Variants in COL23A1 observed in about 807,000 individuals in gnomAD.
COL23A1 encodes the protein collagen type XXIII alpha 1 chain, also known as collagen alpha-1(XXIII) chain.
Under a neutral mutation model 99.3 loss-of-function variants are expected in COL23A1, and 97 were observed. The ratio of observed to expected loss-of-function variants is 0.98; its 90% CI spans 0.83 to 1.16. COL23A1 has a LOEUF of 1.16. Ranked by LOEUF, COL23A1 falls within the 50% of genes most tolerant of loss-of-function variation. COL23A1 has a pLI of 0.00. For synonymous variants in COL23A1, 320 were observed against 308.2 expected, an observed-to-expected ratio of 1.04 and a Z score of -0.40; for missense variants, 762 against 757.4, an observed-to-expected ratio of 1.01 and a Z score of -0.07.
At chr5:178,500,321 C>T (rs893407438) in intron 2 of COL23A1, among the ~76,000 whole-genome samples, 10 of 144,828 alleles carry the variant, frequency 6.9e-5, no homozygotes, top group Non-Finnish European at 3.0e-5. Context: ...AGTGTGGTAG[C>T]TTGGGCCTAT....
At chr5:178,465,822 C>T (rs1476520234) in intron 2 of COL23A1, among the ~76,000 whole-genome samples, 1 of 152,226 alleles carries the variant, frequency 6.6e-6, no homozygotes, top group Non-Finnish European at 1.5e-5. Flanking sequence ...CTCTGAGGGA[C>T]TGGCGTGCAG....
At chr5:178,407,617 C>T (rs1764834176) in intron 2 of COL23A1, among the ~76,000 whole-genome samples, 1 of 152,014 alleles carries the variant, frequency 6.6e-6, no homozygotes, top group Non-Finnish European at 1.5e-5. Flanking sequence ...AACAGAAAGT[C>T]TCAGCAAAGA....
intron 2 of COL23A1, among the ~76,000 whole-genome samples, chr5:178,552,472 AAACTC>A (rs965689710): frequency 2.0e-5 from 3 of 152,298 alleles, no homozygotes; most frequent in African/African-American, 7.2e-5. Flanking sequence ...ATTTTGCCAT[AAACTC>A]AAGTCGACTG....
At chr5:178,269,076 C>A (rs1756074794) in intron 6 of COL23A1, among the ~76,000 whole-genome samples, 1 of 152,162 alleles carries the variant, frequency 6.6e-6, no homozygotes, top group Non-Finnish European at 1.5e-5. Flanking sequence ...CCCTACTGCT[C>A]AGCACCCGCC....
intron 1 of COL23A1, among the ~76,000 whole-genome samples, chr5:178,583,971 C>T (rs1036274898): frequency 2.6e-5 from 4 of 152,200 alleles, no homozygotes; most frequent in Non-Finnish European, 5.9e-5. Context: ...TCGAGCAATC[C>T]TCACACCTCA....
At chr5:178,325,918 C>T (rs960932558) in intron 2 of COL23A1, among the ~76,000 whole-genome samples, 13 of 152,180 alleles carry the variant, frequency 8.5e-5, no homozygotes, top group East Asian at 5.8e-4. Context: ...CTGTCCACTG[C>T]GGTGGGAAAT....
intron 2 of COL23A1, among the ~76,000 whole-genome samples, chr5:178,320,426 ACAGC>A (rs1400730063): frequency 6.6e-6 from 1 of 152,208 alleles, no homozygotes; most frequent in African/African-American, 2.4e-5. Context: ...ACAGGTAGAC[ACAGC>A]CCTGCGTCCC....
chr5:178,261,757 A>T lies in COL23A1; in HGVS notation c.676-9T>A, dbSNP rs760029010. 3 of 1,604,038 alleles carry T rather than the reference A, an allele frequency of 1.9e-6. No homozygotes were observed. The East Asian group carries it at 6.7e-5, about 36-fold the overall frequency. The stretch of plus-strand genomic sequence containing the variant: ...GGGGGTCCCTTTGGGCCCTGGAACA[A>T]GAGAAGAGAAGGTGTTAAATGTCAT... On this transcript the variant is annotated splice_polypyrimidine_tract_variant and intron_variant, in intron 10 of 28. Transcript: ENST00000390654.
chr5:178,501,712 C>T (rs945957672), intron 2 of COL23A1, among the ~76,000 whole-genome samples: 9 of 152,244 alleles, frequency 5.9e-5, no homozygotes, highest in Admixed American at 2.6e-4. Context: ...TACGCCAACA[C>T]CCCTGCTGGG....
chr5:178,286,179 T>C (rs1757140619), intron 5 of COL23A1, among the ~76,000 whole-genome samples: 1 of 152,172 alleles, frequency 6.6e-6, no homozygotes, highest in Admixed American at 6.5e-5. Flanking sequence ...CCTGGAGACG[T>C]TGACAGGGTG....
At chr5:178,585,419 C>A (rs1244757479) in intron 1 of COL23A1, among the ~76,000 whole-genome samples, 3 of 150,194 alleles carry the variant, frequency 2.0e-5, no homozygotes, top group Non-Finnish European at 3.0e-5. Flanking sequence ...GGTAACACTC[C>A]ACAGCCCTGG....
intron 3 of COL23A1, among the ~76,000 whole-genome samples, chr5:178,300,735 A>ATTTATTTAT (rs1554134211): frequency 1.3e-4 from 19 of 150,472 alleles, no homozygotes; most frequent in Admixed American, 8.6e-4. Flanking sequence ...TTATTTATTT[A>ATTTATTTAT]TTTTTTTTAG....
intron 24 of COL23A1, 98 bp from the exon 25 acceptor site, chr5:178,246,066 G>A: frequency 6.9e-7 from 1 of 1,452,342 alleles, no homozygotes; most frequent in Non-Finnish European, 9.7e-7. Flanking sequence ...ACAGACATGG[G>A]GGCAAGGAGA....
chr5:178,306,797 C>T lies in COL23A1; in HGVS notation c.406+78G>A. 2.6e-6 allele frequency: 3 copies of T among 1,137,706 alleles called. No individual in the cohort carries two copies. The highest frequency in any genetic ancestry group is 3.6e-6 in the Non-Finnish European group (3 of 840,654). 70.5% of individuals were successfully genotyped at this position (1,137,706 alleles called of 1,614,324 possible). On this transcript the variant is annotated intron_variant, in intron 3 of 28. Coordinates refer to ENST00000390654, the MANE Select transcript of COL23A1 (RefSeq NM_173465.4). The surrounding 1 kb of genome is among the most constrained non-coding windows in gnomAD (Gnocchi z 4.1). ...ATGACTCAGGGTGGGCAGCAGGTGG[C>T]CAGGCCCTGCAGTCAGAGCCTGGGG...
chr5:178,392,611 C>T (rs1764025922), intron 2 of COL23A1, among the ~76,000 whole-genome samples: 1 of 152,230 alleles, frequency 6.6e-6, no homozygotes, highest in East Asian at 1.9e-4. Context: ...AGGAAGTCCA[C>T]TCAGGATGGC....
intron 1 of COL23A1, among the ~76,000 whole-genome samples, chr5:178,584,622 A>G (rs527426741): frequency 2.0e-5 from 3 of 152,312 alleles, no homozygotes; most frequent in Admixed American, 2.0e-4. Context: ...CGGTGAGGGA[A>G]GGAGGGACAG....
At chr5:178,312,827 C>A (rs1373260365) in intron 2 of COL23A1, among the ~76,000 whole-genome samples, 1 of 152,196 alleles carries the variant, frequency 6.6e-6, no homozygotes, top group Non-Finnish European at 1.5e-5. Flanking sequence ...ATCCACACAA[C>A]AGTCTGTGAA....
intron 2 of COL23A1, among the ~76,000 whole-genome samples, chr5:178,504,820 G>A (rs565651672): frequency 3.3e-5 from 5 of 152,196 alleles, no homozygotes; most frequent in Non-Finnish European, 7.3e-5. Flanking sequence ...GAATGGCCCC[G>A]TGTTGGCAGA....
intron 2 of COL23A1, among the ~76,000 whole-genome samples, chr5:178,497,602 A>G (rs1758262313): frequency 6.6e-6 from 1 of 152,244 alleles, no homozygotes; most frequent in Non-Finnish European, 1.5e-5. Flanking sequence ...ACAGCTACAC[A>G]TAAAATGTTT....
Sources: allele counts gnomAD v4.1 joint callset (sites outside exome capture counted in the v4.1 genomes callset), GRCh38; gene constraint gnomAD v4.1.1; non-coding constraint Gnocchi (gnomAD v3.1); transcripts MANE v1.5; gene names NCBI Gene and HGNC (gene_info 2026-07-23, HGNC 2026-07-21).